The following MACO1 variants were observed in gnomAD, a reference collection of about 807,000 sequenced individuals.
MACO1 encodes the protein macoilin.
A neutral mutation model predicts 78.7 loss-of-function variants in MACO1; 14 were observed. That is an observed-to-expected ratio of 0.18 (90% CI 0.12 to 0.28). MACO1 has a LOEUF of 0.28. Ranked by LOEUF, MACO1 falls within the 10% of genes least tolerant of loss-of-function variation. The pLI is 1.00. For synonymous variants in MACO1, 288 were observed against 291.6 expected, an observed-to-expected ratio of 0.99 and a Z score of 0.12; for missense variants, 501 against 799.0, an observed-to-expected ratio of 0.63 and a Z score of 4.50.
intron 6 of MACO1, among the ~76,000 whole-genome samples, chr1:25,481,522 C>T (rs1225754012): frequency 6.6e-6 from 1 of 152,168 alleles, no homozygotes; most frequent in African/African-American, 2.4e-5. Context: ...AAAAACTCAC[C>T]CTTTCTACTG....
At chr1:25,471,431 A>C (rs1399753562) in intron 6 of MACO1, among the ~76,000 whole-genome samples, 1 of 152,112 alleles carries the variant, frequency 6.6e-6, no homozygotes, top group South Asian at 2.1e-4. Context: ...CAGATGGTCA[A>C]TTGTAGTTGG....
rs148191709 is a variant in MACO1 at position 25,444,463 on chromosome 1, G to A, written c.81-2299G>A. 7.1e-3 allele frequency among the ~76,000 whole-genome samples: 1,076 copies of A among 152,088 alleles called. 6 individuals carry two copies. The highest frequency in any genetic ancestry group is 0.011 in the Non-Finnish European group (758 of 67,982). On this transcript the variant is annotated intron_variant, in intron 1 of 10. Transcript: ENST00000374343. ...GAGGCTGTTATTCCTTTTTCAAAAC[G>A]TAGAAAGGGTTCTAGACACAAGGAA...
Position 25,431,483 on chromosome 1 carries a change from G to A in MACO1, c.80+305G>A, listed in dbSNP as rs541845724. Among the ~76,000 whole-genome samples, 225 of 151,388 alleles carry A rather than the reference G, an allele frequency of 1.5e-3. 1 individual carries two copies. Among genetic ancestry groups the A allele is most frequent in the African/African-American group, 4.4e-3 (181 of 41,428 alleles). On this transcript the variant is annotated intron_variant, in intron 1 of 10. Transcript: ENST00000374343. Reference sequence around the variant, plus strand: ...GGGGCGGAGAGCCCCCAACCAGCCCGGCGTTCCTCAGCATCCCGGCCATGC... The same window carrying A: ...GGGGCGGAGAGCCCCCAACCAGCCCAGCGTTCCTCAGCATCCCGGCCATGC...
At chr1:25,468,907 G>A (rs561545302) in intron 6 of MACO1, among the ~76,000 whole-genome samples, 1 of 152,268 alleles carries the variant, frequency 6.6e-6, no homozygotes, top group South Asian at 2.1e-4. Context: ...GAAGTGCAGT[G>A]GCGCCATCTG....
intron 4 of MACO1, among the ~76,000 whole-genome samples, chr1:25,455,918 C>T (rs534548713): frequency 6.6e-6 from 1 of 151,638 alleles, no homozygotes; most frequent in South Asian, 2.1e-4. Flanking sequence ...TTTTTTAACA[C>T]TTATGTTTAC....
At chr1:25,484,994 C>T (rs1406595453) in intron 7 of MACO1, among the ~76,000 whole-genome samples, 1 of 152,052 alleles carries the variant, frequency 6.6e-6, no homozygotes. Context: ...AGAGAACATC[C>T]CAGTGATAAA....
At chr1:25,448,474 A>G (rs181455625) in intron 2 of MACO1, among the ~76,000 whole-genome samples, 3 of 152,244 alleles carry the variant, frequency 2.0e-5, no homozygotes, top group African/African-American at 7.2e-5. Flanking sequence ...AAAAAAGAAA[A>G]AAGAAAAAAA....
intron 1 of MACO1, among the ~76,000 whole-genome samples, chr1:25,442,699 G>A (rs1360306908): frequency 7.8e-6 from 1 of 127,974 alleles, no homozygotes; most frequent in African/African-American, 3.3e-5. Flanking sequence ...AAATGGCAAA[G>A]GTAGGAATAG....
At chr1:25,495,340 C>T (rs1281166273) in intron 10 of MACO1, among the ~76,000 whole-genome samples, 2 of 152,198 alleles carry the variant, frequency 1.3e-5, no homozygotes, top group Non-Finnish European at 2.9e-5. Context: ...GTATGTTTTC[C>T]TGTTACTGAT....
intron 6 of MACO1, among the ~76,000 whole-genome samples, chr1:25,472,605 G>A (rs2043283827): frequency 6.6e-6 from 1 of 152,234 alleles, no homozygotes; most frequent in Non-Finnish European, 1.5e-5. Context: ...GCTACAGAGA[G>A]AATGTTAAAT....
intron 8 of MACO1, among the ~76,000 whole-genome samples, chr1:25,486,533 G>A (rs559165556): frequency 4.9e-4 from 75 of 152,252 alleles, no homozygotes; most frequent in Non-Finnish European, 8.7e-4. Context: ...CAGATATAGA[G>A]CGAGGGTAAA....
intron 6 of MACO1, among the ~76,000 whole-genome samples, chr1:25,474,496 C>T (rs952279331): frequency 1.3e-5 from 2 of 152,146 alleles, no homozygotes; most frequent in Non-Finnish European, 2.9e-5. Context: ...TTTTCTTCTT[C>T]AGTCTTCTGT....
At chr1:25,440,483 A>G (rs1382152362) in intron 1 of MACO1, among the ~76,000 whole-genome samples, 1 of 151,956 alleles carries the variant, frequency 6.6e-6, no homozygotes, top group African/African-American at 2.4e-5. Context: ...AAGTACCAAT[A>G]AATTGCTGAG....
intron 3 of MACO1, among the ~76,000 whole-genome samples, chr1:25,449,561 G>A (rs2043046424): frequency 6.6e-6 from 1 of 151,418 alleles, no homozygotes; most frequent in Non-Finnish European, 1.5e-5. Context: ...TTTAAGATGG[G>A]GTCTCACTAT....
At chr1:25,487,328 A>G (rs1283346690) in intron 8 of MACO1, among the ~76,000 whole-genome samples, 2 of 151,838 alleles carry the variant, frequency 1.3e-5, no homozygotes, top group African/African-American at 2.4e-5. Context: ...AACTTTTTGT[A>G]TTTTTAGTAG....
Position 25,431,113 on chromosome 1 carries a change from C to A in MACO1, c.15C>A (p.Asn5Lys). The A allele has an allele frequency of 3.8e-6, 6 of 1,594,372 alleles. No individual in the cohort carries two copies. The highest frequency in any genetic ancestry group is 5.1e-6 in the Non-Finnish European group (6 of 1,172,964). Reference sequence around the variant, plus strand: ...CCAGCGGGAGGATGAAGCGGCGGAACGCCGACTGCAGTAAGCTCCGCCGCC... The same window carrying A: ...CCAGCGGGAGGATGAAGCGGCGGAAAGCCGACTGCAGTAAGCTCCGCCGCC... Reference protein sequence around the residue: MKRRNADCSKLRRPL... With the variant: MKRRKADCSKLRRPL... The change falls in exon 1 of 11, where the codon AAC becomes AAA. Residue 5 changes from asparagine to lysine, a missense_variant. This residue lies in a region of MACO1 where 171 missense variants were observed against 292.1 expected (regional missense o/e 0.59). Transcript: ENST00000374343.
chr1:25,452,928 C>T (rs1465665162), intron 3 of MACO1, among the ~76,000 whole-genome samples: 8 of 151,554 alleles, frequency 5.3e-5, no homozygotes, highest in Non-Finnish European at 1.0e-4. Flanking sequence ...AACTCCTGAC[C>T]TCGTGATCCA....
intron 6 of MACO1, among the ~76,000 whole-genome samples, chr1:25,472,589 T>G (rs2043283700): frequency 6.6e-6 from 1 of 152,234 alleles, no homozygotes; most frequent in African/African-American, 2.4e-5. Flanking sequence ...CTGCTTTCTC[T>G]CTAATGCTAC....
intron 1 of MACO1, among the ~76,000 whole-genome samples, chr1:25,433,795 A>G (rs2042896720): frequency 6.6e-6 from 1 of 152,228 alleles, no homozygotes. Flanking sequence ...GGAGATATGT[A>G]CAGTTTGTGA....
Sources: gnomAD v4.1 joint callset for allele counts (sites outside exome capture counted in the v4.1 genomes callset) on GRCh38, gnomAD v4.1.1 for gene constraint, gnomAD v4.1.1 regional missense constraint, MANE v1.5 for transcripts, NCBI Gene and HGNC (gene_info 2026-07-23, HGNC 2026-07-21) for gene names.